Variants in DOCK7 observed in about 807,000 individuals in gnomAD.
DOCK7 encodes dedicator of cytokinesis 7, also known as dedicator of cytokinesis protein 7.
A neutral mutation model predicts 271.0 loss-of-function variants in DOCK7; 138 were observed. The observed-to-expected ratio is 0.51, with a 90% CI of 0.44 to 0.59. The LOEUF (loss-of-function observed/expected upper bound fraction) is 0.59. Among genes scored for constraint, DOCK7 ranks in the 20% least tolerant of loss-of-function variants. The probability of loss-of-function intolerance (pLI) is 0.00; values close to 1 mark genes in which losing one functional copy is unlikely to be tolerated. For synonymous variants in DOCK7, 823 were observed against 876.1 expected (o/e 0.94, Z 1.07); for missense variants, 2,066 against 2,592.4 (o/e 0.80, Z 4.41).
At chr1:62,468,922 C>T (rs1007117265) in intron 48 of DOCK7, among the ~76,000 whole-genome samples, 5 of 151,996 alleles carry the variant, frequency 3.3e-5, no homozygotes, top group East Asian at 3.9e-4. Context: ...AAATCACAGA[C>T]GACACTAACA....
intron 20 of DOCK7, among the ~76,000 whole-genome samples, chr1:62,558,523 A>G (rs563419168): frequency 3.9e-5 from 6 of 152,322 alleles, no homozygotes; most frequent in African/African-American, 1.4e-4. Flanking sequence ...TAGAAAATAA[A>G]AAGAGAAAAC....
chr1:62,598,629 T>A (rs921913400), intron 14 of DOCK7: 2 of 834,142 alleles, frequency 2.4e-6, no homozygotes, highest in Non-Finnish European at 4.2e-6. Flanking sequence ...ATTATGATAG[T>A]GTTACAGGAA....
intron 37 of DOCK7, among the ~76,000 whole-genome samples, chr1:62,500,579 T>A (rs1291227930): frequency 6.6e-6 from 1 of 152,058 alleles, no homozygotes; most frequent in African/African-American, 2.4e-5. Context: ...CACAAATCAG[T>A]CAATACTAAG....
At chr1:62,553,348 ATATATATTTTTTTTTTTTTTTTT>A (rs1367634387) in intron 21 of DOCK7, among the ~76,000 whole-genome samples, 2,522 of 22,268 alleles carry the variant, frequency 0.11, 36 homozygotes, top group Middle Eastern at 0.17. Context: ...ATATATATAT[ATATATATTTTTTTTTTTTTTTTT>A]TTTTTTTTTT....
intron 1 of DOCK7, among the ~76,000 whole-genome samples, chr1:62,663,371 T>C (rs1658906287): frequency 6.6e-6 from 1 of 152,174 alleles, no homozygotes; most frequent in Non-Finnish European, 1.5e-5. Flanking sequence ...ATGAGGTTTT[T>C]TCTTATATGG....
Position 62,631,228 on chromosome 1 carries a change from A to C in DOCK7, c.1282+12T>G. On this transcript the variant is annotated intron_variant, in intron 11 of 49. Transcript: ENST00000635253. The stretch of plus-strand genomic sequence containing the variant: ...TAAACATTTAGAAATGTTTTGTATG[A>C]AACACTCTTACCTCCAGTACTGATT... 6.4e-7 allele frequency: 1 copy of C among 1,568,686 alleles called. No individual in the cohort carries two copies.
At chr1:62,641,395 G>C (rs890797041) in intron 7 of DOCK7, 1 of 399,756 alleles carries the variant, frequency 2.5e-6, no homozygotes, top group South Asian at 1.9e-5. Context: ...TGTCATAGGG[G>C]AGTGGGATCC....
intron 13 of DOCK7, 112 bp from the exon 14 acceptor site, chr1:62,618,980 C>T (rs1217156442): frequency 2.2e-6 from 2 of 914,686 alleles, no homozygotes; most frequent in South Asian, 1.8e-5. Context: ...AAGAATATTA[C>T]AGAAACCAAA....
At chr1:62,518,701 C>T (rs1218860875) in intron 31 of DOCK7, among the ~76,000 whole-genome samples, 1 of 152,008 alleles carries the variant, frequency 6.6e-6, no homozygotes, top group African/African-American at 2.4e-5. Flanking sequence ...GACTGCACCA[C>T]TGCACTCCAG....
intron 14 of DOCK7, among the ~76,000 whole-genome samples, chr1:62,599,466 T>C (rs1318766080): frequency 6.6e-6 from 1 of 152,034 alleles, no homozygotes; most frequent in Admixed American, 6.6e-5. Context: ...CCTGGTCCCA[T>C]CCCTGAAAAC....
At chr1:62,586,318 T>C (rs1172568375) in intron 15 of DOCK7, among the ~76,000 whole-genome samples, 189 bp downstream of exon 15, 5 of 152,176 alleles carry the variant, frequency 3.3e-5, no homozygotes, top group Admixed American at 2.0e-4. Context: ...GCCTAACATA[T>C]ACCAAGTCTT....
intron 17 of DOCK7, among the ~76,000 whole-genome samples, chr1:62,578,146 A>G (rs1646993736): frequency 6.6e-6 from 1 of 152,068 alleles, no homozygotes; most frequent in Admixed American, 6.6e-5. Flanking sequence ...ATAATTTTGA[A>G]AAATACTCAA....
intron 16 of DOCK7, 56 bp from the exon 17 acceptor site, chr1:62,579,022 T>C: frequency 7.2e-7 from 1 of 1,393,504 alleles, no homozygotes; most frequent in Non-Finnish European, 9.4e-7. Flanking sequence ...AAATAAATAA[T>C]GTATTTGTAT....
At chr1:62,490,819 C>A (rs1414110078) in intron 41 of DOCK7, among the ~76,000 whole-genome samples, 2 of 152,072 alleles carry the variant, frequency 1.3e-5, no homozygotes, top group East Asian at 3.8e-4. Flanking sequence ...TTTCCCCCTG[C>A]TAGCTTAGAC....
rs1452931074 is a variant in DOCK7 at position 62,562,412 on chromosome 1, A to G, written c.2113-709T>C. Among the ~76,000 whole-genome samples the G allele has an allele frequency of 5.3e-5, 8 of 151,942 alleles. No individual in the cohort carries two copies. The East Asian group carries it at 1.6e-3, about 30-fold the overall frequency. On this transcript the variant is annotated intron_variant, in intron 18 of 49. Transcript: ENST00000635253. ...GTATTTTTAGTAGAGACAGAGTTTCACCATGTTGGCCAGGCTGGCCTTGAA... is the reference window on the plus strand; with the variant it reads ...GTATTTTTAGTAGAGACAGAGTTTCGCCATGTTGGCCAGGCTGGCCTTGAA...
intron 14 of DOCK7, chr1:62,597,805 A>G: frequency 6.2e-7 from 1 of 1,613,486 alleles, no homozygotes; most frequent in Non-Finnish European, 8.5e-7. Context: ...ATATTTGATC[A>G]GTCTTTTTAT....
At chr1:62,683,966 G>T (rs988947621) in intron 1 of DOCK7, among the ~76,000 whole-genome samples, 1 of 151,584 alleles carries the variant, frequency 6.6e-6, no homozygotes, top group Non-Finnish European at 1.5e-5. Flanking sequence ...CAGGCTGAGC[G>T]AGGTGGCTTA....
chr1:62,502,575 T>C (rs940527444), intron 37 of DOCK7, among the ~76,000 whole-genome samples: 2 of 152,156 alleles, frequency 1.3e-5, no homozygotes, highest in Non-Finnish European at 2.9e-5. Flanking sequence ...GAATTTTCAC[T>C]CCCTTGGTGG....
In DOCK7 at chr1:62,688,226, CCTG is replaced by C. The variant is rs1219264955; in HGVS notation, c.36_38del (p.Ser12del). On this transcript the variant is annotated inframe_deletion and splice_region_variant, in exon 1 of 50. Coordinates refer to ENST00000635253, the MANE Select transcript of DOCK7 (RefSeq NM_001367561.1). ...CGGCGCGCCCCACGCCGGATATTTA[CCTG>C]CTGATCTTCTGGGCGAAGGCGCGGC... The C allele has an allele frequency of 2.9e-6, 4 of 1,378,750 alleles. No homozygotes were observed. The highest frequency in any genetic ancestry group is 5.3e-5 in the Admixed American group (2 of 37,662). 85.4% of individuals were successfully genotyped at this position (1,378,750 alleles called of 1,614,324 possible). A position where few individuals can be genotyped will look rare whatever the true frequency, so the allele number is the denominator to read the frequency against.
Sources: gnomAD v4.1 joint callset for allele counts (sites outside exome capture counted in the v4.1 genomes callset) on GRCh38, gnomAD v4.1.1 for gene constraint, MANE v1.5 for transcripts, NCBI Gene and HGNC (gene_info 2026-07-23, HGNC 2026-07-21) for gene names.